The following NDST1 variants were observed in gnomAD, a reference collection of about 807,000 sequenced individuals.
NDST1 encodes N-deacetylase and N-sulfotransferase 1, also known as bifunctional heparan sulfate N-deacetylase/N-sulfotransferase 1.
NDST1 carries 35 observed loss-of-function variants against 92.8 expected under a neutral mutation model. The observed-to-expected ratio is 0.38, with a 90% CI of 0.29 to 0.50. The LOEUF is 0.50. NDST1 is among the 20% of genes least tolerant of loss of function. The probability of loss-of-function intolerance (pLI) is 0.94; values close to 1 mark genes in which losing one functional copy is unlikely to be tolerated. For synonymous variants in NDST1, 493 were observed against 500.3 expected, an observed-to-expected ratio of 0.99 and a Z score of 0.19; for missense variants, 822 against 1,182.7, an observed-to-expected ratio of 0.69 and a Z score of 4.47.
Position 150,520,860 on chromosome 5 carries a change from C to T in NDST1, c.-387-8C>T, listed in dbSNP as rs148320066. ...CTCTGACGCTCCTGTTCTCTCCACT[C>T]TCCACAGCCTTAGCCCCGTGGGCCC... is the stretch of plus-strand genomic sequence containing the variant. On this transcript the variant is annotated splice_polypyrimidine_tract_variant and splice_region_variant and intron_variant, in intron 1 of 14. Transcript: ENST00000261797. 2.7e-3 allele frequency: 1,222 copies of T among 446,218 alleles called. 11 individuals carry two copies. The highest frequency in any genetic ancestry group is 0.022 in the African/African-American group (1,086 of 50,308). 27.6% of individuals were successfully genotyped at this position (446,218 alleles called of 1,614,324 possible). A position where few individuals can be genotyped will look rare whatever the true frequency, so the allele number is the denominator to read the frequency against.
At position 150,543,189 on chromosome 5, in the gene NDST1, G is replaced by A. The variant is rs531774496; in HGVS notation, c.1970+218G>A. Among the ~76,000 whole-genome samples the A allele has an allele frequency of 8.5e-5, 13 of 152,326 alleles. No homozygotes were observed. In the South Asian group the frequency reaches 2.3e-3, roughly 27 times the overall value. ...AGGCCCTTTGCCCCTTTGCTCTACC[G>A]CCTGTAGTCAGACGCTGAGGTCGAA... On this transcript the variant is annotated intron_variant, in intron 10 of 14. Transcript: ENST00000261797.
chr5:150,531,433 C>T (rs1754726235), intron 3 of NDST1, among the ~76,000 whole-genome samples: 1 of 151,890 alleles, frequency 6.6e-6, no homozygotes, highest in African/African-American at 2.4e-5. Flanking sequence ...CTGGGGAGGG[C>T]CAGGACTTTT....
intron 1 of NDST1, among the ~76,000 whole-genome samples, chr5:150,519,976 G>C (rs1051659621): frequency 2.0e-5 from 3 of 152,150 alleles, no homozygotes; most frequent in African/African-American, 7.2e-5. Flanking sequence ...TCCAGGGCGG[G>C]GGAGGCCTCC....
chr5:150,519,515 C>A (rs1165753064), intron 1 of NDST1, among the ~76,000 whole-genome samples: 2 of 152,156 alleles, frequency 1.3e-5, no homozygotes, highest in Non-Finnish European at 2.9e-5. Context: ...CAAGGCCAGC[C>A]TGATCAACAT....
chr5:150,500,078 C>G (rs1470315859), intron 1 of NDST1, among the ~76,000 whole-genome samples: 2 of 152,226 alleles, frequency 1.3e-5, no homozygotes, highest in Non-Finnish European at 2.9e-5. Flanking sequence ...GTTTATTTAA[C>G]TCATTCAATT....
At chr5:150,504,369 C>T (rs1753359707), upstream of NDST1, among the ~76,000 whole-genome samples, 1 of 152,204 alleles carries the variant, frequency 6.6e-6, no homozygotes, top group African/African-American at 2.4e-5. Context: ...CTCACAAGGC[C>T]GCCTCCCTCA....
chr5:150,519,418 T>G (rs1228514466), intron 1 of NDST1, among the ~76,000 whole-genome samples: 1 of 152,176 alleles, frequency 6.6e-6, no homozygotes. Context: ...TGATAGTTGC[T>G]CCTTGGGGGC....
chr5:150,525,152 A>T (rs1389024738), intron 2 of NDST1, among the ~76,000 whole-genome samples: 1 of 152,006 alleles, frequency 6.6e-6, no homozygotes, highest in Non-Finnish European at 1.5e-5. Context: ...AGTGGTGAGG[A>T]GCAAGAGGGA....
chr5:150,538,253 T>C (rs1269031870), intron 6 of NDST1, among the ~76,000 whole-genome samples: 1 of 152,120 alleles, frequency 6.6e-6, no homozygotes, highest in Non-Finnish European at 1.5e-5. Flanking sequence ...ACCAGATCGA[T>C]AGGGCCATGT....
chr5:150,538,185 C>T (rs961219346), intron 6 of NDST1, among the ~76,000 whole-genome samples: 3 of 152,046 alleles, frequency 2.0e-5, no homozygotes, highest in African/African-American at 7.3e-5. Context: ...AAATAGGAGG[C>T]CGGGATGGCT....
At chr5:150,541,498 T>C in intron 8 of NDST1, 72 bp from the exon 9 acceptor site, 4 of 1,330,292 alleles carry the variant, frequency 3.0e-6, no homozygotes, top group Non-Finnish European at 4.3e-6. Context: ...AAGGGCCACA[T>C]ATCCATGTGC....
chr5:150,537,554 G>A (rs1755050032), intron 6 of NDST1, among the ~76,000 whole-genome samples: 1 of 152,224 alleles, frequency 6.6e-6, no homozygotes. Context: ...ATTTTGGTCA[G>A]ACTGGTTGTC....
In NDST1 at chr5:150,521,271, G is replaced by A. The variant is rs1754228861; in HGVS notation, c.17G>A (p.Cys6Tyr). The A allele has an allele frequency of 1.2e-6, 2 of 1,609,254 alleles. No homozygotes were observed. Among genetic ancestry groups the A allele is most frequent in the Non-Finnish European group, 1.7e-6 (2 of 1,178,678 alleles). ...GAGGCCAGGATGCCTGCCCTGGCATGCCTCCGGAGGCTGTGTCGGCACGTG... is the reference window on the plus strand; with the variant it reads ...GAGGCCAGGATGCCTGCCCTGGCATACCTCCGGAGGCTGTGTCGGCACGTG... MPALACLRRLCRHVSP... is the reference protein window; with the variant it reads MPALAYLRRLCRHVSP... The change falls in exon 2 of 15, where the codon TGC (cysteine) becomes TAC (tyrosine). Residue 6 changes from cysteine to tyrosine, a missense_variant. Transcript: ENST00000261797. This position sits in a 1 kb window ranked among gnomAD's most constrained non-coding sequence, Gnocchi z 5.9.
Position 150,540,181 on chromosome 5 carries a change from C to T in NDST1, c.1666C>T (p.Leu556Phe). The T allele has an allele frequency of 6.2e-7, 1 of 1,614,242 alleles. No individual in the cohort carries two copies. Among genetic ancestry groups the T allele is most frequent in the Non-Finnish European group, 8.5e-7 (1 of 1,180,038 alleles). ...LVRFLHSWTN[L>F]RLQTLPPVQL... ...GCGCTTCCTGCACTCCTGGACGAAC[C>T]TCCGGCTGCAGACACTGCCCCCTGT... Residue 556 changes from leucine (L) to phenylalanine (F), a missense_variant, in exon 8 of 15, where the codon CTC (leucine) becomes TTC (phenylalanine). By Grantham distance (22) the Leu-to-Phe change is conservative. Transcript: ENST00000261797.
rs939742660 is a variant in NDST1, at chr5:150,521,991, C to A, written c.513+224C>A. 6.6e-6 allele frequency among the ~76,000 whole-genome samples: 1 copy of A among 152,140 alleles called. No individual in the cohort carries two copies. The highest frequency in any genetic ancestry group is 1.5e-5 in the Non-Finnish European group (1 of 68,028). ...CGTGCCAGGGGGATCGCCTGCTGTG[C>A]GTGGGGTCCAGCACACAGCAGGTGC... is the stretch of plus-strand genomic sequence containing the variant. On this transcript the variant is annotated intron_variant, in intron 2 of 14. Transcript: ENST00000261797. This position sits in a 1 kb window ranked among gnomAD's most constrained non-coding sequence, Gnocchi z 5.9.
At chr5:150,541,690 A>G (rs1267120794) in intron 9 of NDST1, 24 bp downstream of exon 9, 2 of 1,606,424 alleles carry the variant, frequency 1.2e-6, no homozygotes, top group African/African-American at 2.7e-5. Flanking sequence ...CTCTTGACCG[A>G]GCTTCCCCAA....
intron 1 of NDST1, among the ~76,000 whole-genome samples, chr5:150,515,448 C>T (rs889885218): frequency 3.9e-5 from 6 of 152,162 alleles, no homozygotes; most frequent in Non-Finnish European, 7.3e-5. Flanking sequence ...GCCTCTGCAC[C>T]GTGGAGTGGG....
chr5:150,534,093 G>T (rs1041047741), intron 4 of NDST1, among the ~76,000 whole-genome samples: 5 of 146,840 alleles, frequency 3.4e-5, no homozygotes, highest in Non-Finnish European at 7.5e-5. Context: ...AAAACAAAAA[G>T]AAAAAAAATT....
intron 1 of NDST1, among the ~76,000 whole-genome samples, chr5:150,509,536 T>G (rs1753621766): frequency 6.6e-6 from 1 of 152,158 alleles, no homozygotes; most frequent in East Asian, 1.9e-4. Flanking sequence ...CTTTATTTTT[T>G]TTGAGATGGA....
Sources: gnomAD v4.1 joint callset for allele counts (sites outside exome capture counted in the v4.1 genomes callset) on GRCh38, gnomAD v4.1.1 for gene constraint, Gnocchi (gnomAD v3.1) non-coding constraint, MANE v1.5 for transcripts, NCBI Gene and HGNC (gene_info 2026-07-23, HGNC 2026-07-21) for gene names.